Variants in SMC5 observed in about 807,000 individuals in gnomAD.
The protein encoded by SMC5 is structural maintenance of chromosomes protein 5.
In SMC5, 88 loss-of-function variants were observed where a neutral mutation model predicts 148.3. The ratio of observed to expected loss-of-function variants is 0.59; its 90% CI spans 0.50 to 0.71. SMC5 has a LOEUF of 0.71. Among genes scored for constraint, SMC5 ranks in the 30% least tolerant of loss-of-function variants. SMC5 has a pLI of 0.00. For missense variants in SMC5, 1,142 were observed against 1,298.9 expected (o/e 0.88, Z 1.86); for synonymous variants, 421 against 432.8 (o/e 0.97, Z 0.34).
At chr9:70,337,653 C>A (rs1002338663) in intron 17 of SMC5, among the ~76,000 whole-genome samples, 7 of 151,688 alleles carry the variant, frequency 4.6e-5, no homozygotes, top group Non-Finnish European at 1.0e-4. Context: ...TAGTAGAGAT[C>A]GTGTTTCACC....
chr9:70,297,305 G>A (rs946341277), intron 8 of SMC5, among the ~76,000 whole-genome samples: 4 of 152,232 alleles, frequency 2.6e-5, no homozygotes, highest in African/African-American at 9.6e-5. Flanking sequence ...AGCCACCCAT[G>A]TGGATGATCT....
rs151317759 is a variant in SMC5, at chr9:70,300,199, C to T, written c.1463C>T (p.Thr488Met). The change falls in exon 10 of 25, where the codon ACG becomes ATG. Residue 488 changes from threonine to methionine, a missense_variant and splice_region_variant. This residue lies in a region of SMC5 where 743 missense variants were observed against 835.7 expected (regional missense o/e 0.89). Transcript: ENST00000361138. Reference sequence around the variant, plus strand: ...AGAGTCTGTGAGCCCATAATGCTCACGGTAAGAAACTTTGTTCATCTTGGT... The same window carrying T: ...AGAGTCTGTGAGCCCATAATGCTCATGGTAAGAAACTTTGTTCATCTTGGT... ...KQRVCEPIMLTINMKDNKNAK... is the reference protein window; with the variant it reads ...KQRVCEPIMLMINMKDNKNAK... 22 of 1,577,684 alleles carry T rather than the reference C, an allele frequency of 1.4e-5. No individual in the cohort carries two copies. Among genetic ancestry groups the T allele is most frequent in the African/African-American group, 1.2e-4 (9 of 72,186 alleles).
rs1007148514 is a variant in SMC5, at chr9:70,259,058, TG to T, written c.-18del. 2 of 1,591,746 alleles carry T rather than the reference TG, an allele frequency of 1.3e-6. No individual in the cohort carries two copies. Among genetic ancestry groups the T allele is most frequent in the African/African-American group, 2.7e-5 (2 of 74,170 alleles). On this transcript the variant is annotated 5_prime_UTR_variant, in exon 1 of 25. The change creates a premature stop within an existing upstream ORF in the 5' untranslated region. Transcript: ENST00000361138. ...CGGACGGTGGGAACGGAAGTCGCTG[TG>T]GGACGCTGAGGAAGCCAGGATGGCG...
intron 5 of SMC5, 99 bp downstream of exon 5, chr9:70,278,724 C>A: frequency 2.5e-6 from 3 of 1,223,060 alleles, no homozygotes; most frequent in East Asian, 2.6e-5. Flanking sequence ...TGAGTGAATT[C>A]GTATTTGTGA....
At chr9:70,276,358 G>A (rs2034591779) in intron 3 of SMC5, among the ~76,000 whole-genome samples, 1 of 152,108 alleles carries the variant, frequency 6.6e-6, no homozygotes, top group Admixed American at 6.5e-5. Context: ...TCCACTCTGG[G>A]TTTTCACCTA....
chr9:70,338,116 A>T (rs1435114715), intron 17 of SMC5, among the ~76,000 whole-genome samples: 1 of 152,104 alleles, frequency 6.6e-6, no homozygotes, highest in African/African-American at 2.4e-5. Context: ...CCTGGGCTCA[A>T]GCAATCCTCC....
At chr9:70,274,563 G>C (rs1322423542) in intron 3 of SMC5, among the ~76,000 whole-genome samples, 22 of 150,818 alleles carry the variant, frequency 1.5e-4, no homozygotes, top group Admixed American at 1.5e-3. Flanking sequence ...TAGTATAGCT[G>C]TATTATTTTT....
At chr9:70,350,337 A>G in intron 23 of SMC5, 39 bp from the exon 24 acceptor site, 1 of 1,610,164 alleles carries the variant, frequency 6.2e-7, no homozygotes, top group South Asian at 1.1e-5. Flanking sequence ...ATATCCTGTA[A>G]CAGGAATAAA....
chr9:70,279,817 CAAAAAAAAAAA>C lies in SMC5; in HGVS notation c.679-931_679-921del, dbSNP rs561567100. ...GGGCAACAAGAGCAAAACTCCGTTT[CAAAAAAAAAAA>C]AAAAAAAAAAGGAAATCTGTTTTTC... On this transcript the variant is annotated intron_variant, in intron 5 of 24. Transcript: ENST00000361138. 4.2e-3 allele frequency among the ~76,000 whole-genome samples: 237 copies of C among 56,610 alleles called. 1 individual carries two copies. The highest frequency in any genetic ancestry group is 0.017 in the East Asian group (32 of 1,868). 37.1% of individuals were successfully genotyped at this position (56,610 alleles called of 152,430 possible).
At chr9:70,277,619 A>C (rs1354465640) in intron 4 of SMC5, 147 bp downstream of exon 4, 2 of 564,812 alleles carry the variant, frequency 3.5e-6, no homozygotes, top group East Asian at 7.0e-5. Context: ...CATCACTTAG[A>C]GTATAATGTT....
intron 9 of SMC5, among the ~76,000 whole-genome samples, chr9:70,298,998 TTTA>T (rs567008950): frequency 1.3e-5 from 2 of 151,918 alleles, no homozygotes; most frequent in South Asian, 2.1e-4. Flanking sequence ...AATAATGATT[TTTA>T]TTATTATAAA....
At chr9:70,277,727 CAGAT>C (rs2034631482) in intron 4 of SMC5, among the ~76,000 whole-genome samples, 1 of 151,982 alleles carries the variant, frequency 6.6e-6, no homozygotes. Flanking sequence ...GAGAGTGGCT[CAGAT>C]AGCTATGTGC....
intron 11 of SMC5, among the ~76,000 whole-genome samples, chr9:70,313,692 CT>C (rs754543834): frequency 9.9e-5 from 15 of 151,888 alleles, no homozygotes; most frequent in Non-Finnish European, 1.6e-4. Context: ...TAGAGACGGG[CT>C]TTCACCATGT....
intron 3 of SMC5, among the ~76,000 whole-genome samples, chr9:70,271,698 A>G (rs1011442760): frequency 1.3e-5 from 2 of 152,200 alleles, no homozygotes; most frequent in Non-Finnish European, 2.9e-5. Flanking sequence ...ACAGTTTTAA[A>G]TAACCTGATC....
At chr9:70,315,416 G>GA in intron 12 of SMC5, 30 bp from the exon 13 acceptor site, 2 of 1,477,640 alleles carry the variant, frequency 1.4e-6, no homozygotes, top group Non-Finnish European at 1.8e-6. Context: ...ATTTTAAGAA[G>GA]AAAAATCTAA....
Position 70,286,186 on chromosome 9 carries a change from G to GGTT in SMC5, c.982-14_982-13insGTT. 1 of 1,532,740 alleles carries GGTT rather than the reference G, an allele frequency of 6.5e-7. No individual in the cohort carries two copies. The highest frequency in any genetic ancestry group is 8.9e-7 in the Non-Finnish European group (1 of 1,118,940). The allele number at this position is 1,532,740 out of a possible 1,614,324, so 94.9% of individuals were successfully genotyped here. ...AACTAGCTGTCCCCCCCTCTCCCCGGTTTAATTTTACAGGCAACAGATATT... is the reference window on the plus strand; with the variant it reads ...AACTAGCTGTCCCCCCCTCTCCCCGGGTTTTTAATTTTACAGGCAACAGATATT... On this transcript the variant is annotated splice_polypyrimidine_tract_variant and intron_variant, in intron 7 of 24. Transcript: ENST00000361138.
intron 18 of SMC5, among the ~76,000 whole-genome samples, chr9:70,345,579 C>T (rs1564073160): frequency 1.3e-5 from 2 of 151,784 alleles, no homozygotes; most frequent in Admixed American, 6.6e-5. Context: ...GCTCAGACAA[C>T]GCCCAAGACA....
intron 9 of SMC5, among the ~76,000 whole-genome samples, chr9:70,298,858 A>G (rs2035281469): frequency 6.6e-6 from 1 of 151,820 alleles, no homozygotes; most frequent in African/African-American, 2.4e-5. Flanking sequence ...TAATCCTTCC[A>G]TATATATCAT....
chr9:70,268,617 T>G (rs1018926404), intron 3 of SMC5, among the ~76,000 whole-genome samples: 1 of 151,880 alleles, frequency 6.6e-6, no homozygotes, highest in Non-Finnish European at 1.5e-5. Context: ...TTTTTTTTTT[T>G]GCTGATCTTG....
Sources: allele counts gnomAD v4.1 joint callset (sites outside exome capture counted in the v4.1 genomes callset), GRCh38; gene constraint gnomAD v4.1.1; regional missense constraint gnomAD v4.1.1; transcripts MANE v1.5; gene names NCBI Gene and HGNC (gene_info 2026-07-23, HGNC 2026-07-21).